BRDT: variants seen among roughly 807,000 people sequenced by gnomAD.
BRDT encodes bromodomain testis-specific protein.
A neutral mutation model predicts 113.9 loss-of-function variants in BRDT; 77 were observed. The observed-to-expected ratio is 0.68, with a 90% CI of 0.56 to 0.82. BRDT has a LOEUF of 0.82. BRDT is among the 40% of genes least tolerant of loss of function. BRDT has a pLI of 0.00. For missense variants in BRDT, 1,027 were observed against 1,105.4 expected (o/e 0.93, Z 1.01); for synonymous variants, 358 against 366.5 (o/e 0.98, Z 0.26).
intron 1 of BRDT, among the ~76,000 whole-genome samples, chr1:91,953,062 A>G (rs1254406955): frequency 6.6e-6 from 1 of 151,678 alleles, no homozygotes; most frequent in Non-Finnish European, 1.5e-5. Flanking sequence ...TTAACTCATC[A>G]TTTACATTAG....
intron 4 of BRDT, among the ~76,000 whole-genome samples, chr1:91,975,356 C>T (rs1477257758): frequency 2.6e-5 from 4 of 152,098 alleles, no homozygotes; most frequent in African/African-American, 9.7e-5. Context: ...AGATCGTACA[C>T]ATGCTATGAG....
chr1:91,964,863 G>C (rs1032289373), intron 3 of BRDT, 99 bp downstream of exon 3: 16 of 811,466 alleles, frequency 2.0e-5, no homozygotes, highest in Non-Finnish European at 2.8e-5. Flanking sequence ...AATTCTCTTC[G>C]TTTGAGATAC....
chr1:91,957,492 CAA>C (rs34516666), intron 1 of BRDT: 78 of 148,460 alleles, frequency 5.3e-4, no homozygotes, highest in African/African-American at 1.3e-3. Context: ...GACTCCATCT[CAA>C]AAAAAAAAAA....
At chr1:91,995,927 TTTAA>T (rs1271770992) in intron 15 of BRDT, among the ~76,000 whole-genome samples, 1 of 152,132 alleles carries the variant, frequency 6.6e-6, no homozygotes, top group African/African-American at 2.4e-5. Context: ...CCATTTTGTC[TTTAA>T]TTAAAGTTAT....
chr1:91,982,939 C>T (rs1684850691), intron 12 of BRDT, among the ~76,000 whole-genome samples: 1 of 152,162 alleles, frequency 6.6e-6, no homozygotes, highest in Non-Finnish European at 1.5e-5. Context: ...GCATTTGTAA[C>T]TTCATCTAAT....
chr1:92,006,786 TATTTTA>T (rs1687352315), intron 18 of BRDT, among the ~76,000 whole-genome samples: 1 of 151,834 alleles, frequency 6.6e-6, no homozygotes, highest in African/African-American at 2.4e-5. Flanking sequence ...TTTTTATTTT[TATTTTA>T]TTTTATTTTT....
chr1:91,991,568 C>T (rs945937998), intron 13 of BRDT, among the ~76,000 whole-genome samples: 1 of 152,076 alleles, frequency 6.6e-6, no homozygotes, highest in Non-Finnish European at 1.5e-5. Flanking sequence ...CAAAACTATG[C>T]GTACAGTGAA....
chr1:91,960,387 G>A (rs1682308564), intron 1 of BRDT, among the ~76,000 whole-genome samples: 2 of 152,256 alleles, frequency 1.3e-5, no homozygotes, highest in Admixed American at 6.5e-5. Flanking sequence ...TCTAACACAC[G>A]CTACAACATG....
chr1:91,961,635 A>G (rs571818429), intron 1 of BRDT, among the ~76,000 whole-genome samples: 1 of 152,060 alleles, frequency 6.6e-6, no homozygotes, highest in Admixed American at 6.6e-5. Flanking sequence ...TCTCAGAGAG[A>G]GAGAGAGACA....
At chr1:91,979,008 A>AC (rs1230372908) in intron 7 of BRDT, among the ~76,000 whole-genome samples, 5 of 128,364 alleles carry the variant, frequency 3.9e-5, no homozygotes, top group African/African-American at 1.6e-4. Context: ...AAAAAAAAAA[A>AC]AAAAACAACA....
intron 5 of BRDT, 63 bp from the exon 6 acceptor site, chr1:91,976,976 CTGAT>C: frequency 1.8e-5 from 22 of 1,247,714 alleles, no homozygotes; most frequent in Non-Finnish European, 2.3e-5. Flanking sequence ...TTTCTTTTAA[CTGAT>C]AAGGAACTAT....
At chr1:91,990,874 T>G (rs982877904) in intron 12 of BRDT, among the ~76,000 whole-genome samples, 6 of 152,208 alleles carry the variant, frequency 3.9e-5, no homozygotes, top group Non-Finnish European at 8.8e-5. Flanking sequence ...CTTGGCTCAC[T>G]GCAACCTCCG....
Position 91,980,738 on chromosome 1 carries a change from A to G in BRDT, c.1383A>G (p.Lys461=). The change falls in exon 9 of 19, where the codon AAA becomes AAG. Residue 461 remains lysine, a synonymous_variant. Coordinates refer to ENST00000399546, the MANE Select transcript of BRDT (RefSeq NM_207189.4). ...AGAAGTCTAAAAAGGAAAAGAAAAA[A>G]GAAAAGGTTAATAACAGCAATGAAA... ...KKEKSKKEKK[K]EKVNNSNENP... 6 of 1,609,096 alleles carry G rather than the reference A, an allele frequency of 3.7e-6. No homozygotes were observed. Among genetic ancestry groups the G allele is most frequent in the Non-Finnish European group, 5.1e-6 (6 of 1,179,076 alleles).
chr1:91,985,025 T>C (rs1570558867), intron 12 of BRDT, among the ~76,000 whole-genome samples: 3 of 152,312 alleles, frequency 2.0e-5, no homozygotes, highest in Admixed American at 2.0e-4. Context: ...TCCAGAATTC[T>C]GATTAATAGG....
At chr1:91,979,864 G>T in intron 8 of BRDT, 107 bp downstream of exon 8, 1 of 1,027,980 alleles carries the variant, frequency 9.7e-7, no homozygotes, top group East Asian at 2.7e-5. Context: ...CTTCATAACT[G>T]TGGCTTTATT....
intron 18 of BRDT, among the ~76,000 whole-genome samples, chr1:92,012,296 TA>T (rs1687866928): frequency 1.5e-5 from 2 of 129,440 alleles, no homozygotes; most frequent in Non-Finnish European, 1.7e-5. Flanking sequence ...AAACTCCATC[TA>T]GAAAAAAAAA....
At chr1:91,978,501 T>C (rs1684369663) in intron 7 of BRDT, among the ~76,000 whole-genome samples, 1 of 152,234 alleles carries the variant, frequency 6.6e-6, no homozygotes, top group Non-Finnish European at 1.5e-5. Flanking sequence ...TGTTTCGTTT[T>C]GTTTTTTTGA....
intron 1 of BRDT, among the ~76,000 whole-genome samples, chr1:91,959,302 G>A (rs1682154904): frequency 6.6e-6 from 1 of 152,048 alleles, no homozygotes; most frequent in Non-Finnish European, 1.5e-5. Flanking sequence ...ACAGTGACAG[G>A]GGCACCTAAA....
At chr1:91,969,797 GT>G (rs1365280837) in intron 4 of BRDT, among the ~76,000 whole-genome samples, 1 of 138,576 alleles carries the variant, frequency 7.2e-6, no homozygotes, top group Admixed American at 7.1e-5. Context: ...AAGTGTTTAA[GT>G]TTTTTTGTTT....
Sources: allele counts gnomAD v4.1 joint callset (sites outside exome capture counted in the v4.1 genomes callset), GRCh38; gene constraint gnomAD v4.1.1; transcripts MANE v1.5; gene names NCBI Gene and HGNC (gene_info 2026-07-23, HGNC 2026-07-21).